The following PCDH15 variants were observed in gnomAD, a reference collection of about 807,000 sequenced individuals.
PCDH15 encodes the protein protocadherin related 15, also known as protocadherin-15.
A neutral mutation model predicts 178.5 loss-of-function variants in PCDH15; 129 were observed. The ratio of observed to expected loss-of-function variants is 0.72; its 90% confidence interval spans 0.63 to 0.84. The LOEUF (loss-of-function observed/expected upper bound fraction) is 0.84. PCDH15 is among the 40% of genes least tolerant of loss of function. The probability of loss-of-function intolerance (pLI) is 0.00; values close to 1 mark genes in which losing one functional copy is unlikely to be tolerated. For missense variants in PCDH15, 2,230 were observed against 2,099.9 expected, an observed-to-expected ratio of 1.06 and a Z score of -1.21; for synonymous variants, 800 against 732.0, an observed-to-expected ratio of 1.09 and a Z score of -1.50.
chr10:54,811,297 A>G (rs1240861557), intron 3 of PCDH15, among the ~76,000 whole-genome samples: 1 of 152,050 alleles, frequency 6.6e-6, no homozygotes. Context: ...AAAAACACAT[A>G]TAGATTCTCC....
chr10:55,461,919 T>C (rs1251624512), intron 2 of PCDH15, among the ~76,000 whole-genome samples: 1 of 152,136 alleles, frequency 6.6e-6, no homozygotes, highest in East Asian at 1.9e-4. Flanking sequence ...AAGCATTCAC[T>C]ATTTTACCAT....
intron 25 of PCDH15, among the ~76,000 whole-genome samples, chr10:53,905,482 C>A (rs557519437): frequency 1.9e-4 from 29 of 152,180 alleles, no homozygotes; most frequent in Non-Finnish European, 3.2e-4. Flanking sequence ...TACAGGCATG[C>A]GCCACCATGG....
chr10:54,582,587 A>T (rs1185801702), intron 2 of PCDH15, among the ~76,000 whole-genome samples: 1 of 152,164 alleles, frequency 6.6e-6, no homozygotes, highest in African/African-American at 2.4e-5. Flanking sequence ...ATGAAATATA[A>T]ATGTACACTA....
At chr10:55,009,154 A>G (rs1205719160) in intron 2 of PCDH15, among the ~76,000 whole-genome samples, 1 of 152,082 alleles carries the variant, frequency 6.6e-6, no homozygotes, top group Non-Finnish European at 1.5e-5. Flanking sequence ...TTATCCCTCT[A>G]GCAGTTTTTA....
chr10:54,295,763 A>G (rs1024067675), intron 8 of PCDH15, among the ~76,000 whole-genome samples: 11 of 152,210 alleles, frequency 7.2e-5, no homozygotes, highest in Non-Finnish European at 1.6e-4. Flanking sequence ...CCAAGTAGTG[A>G]GTACCATCGG....
intron 32 of PCDH15, among the ~76,000 whole-genome samples, chr10:53,824,270 G>A (rs1237583568): frequency 2.0e-5 from 3 of 152,082 alleles, no homozygotes; most frequent in Non-Finnish European, 4.4e-5. Flanking sequence ...TGGCTCTAAG[G>A]AAAGCATTTG....
chr10:55,171,669 A>G (rs190575130), intron 1 of PCDH15, among the ~76,000 whole-genome samples: 1 of 152,270 alleles, frequency 6.6e-6, no homozygotes, highest in African/African-American at 2.4e-5. Flanking sequence ...TTTATATAGT[A>G]AGTATTTTGG....
At chr10:55,341,780 TATATATATATATATATATATATATA>T (rs1261704723) in intron 2 of PCDH15, among the ~76,000 whole-genome samples, 18 of 10,054 alleles carry the variant, frequency 1.8e-3, no homozygotes, top group East Asian at 3.6e-3. Flanking sequence ...TATATATATA[TATATATATATATATATATATATATA>T]TTTTTTTTTT....
chr10:54,732,640 T>A (rs1415171635), intron 1 of PCDH15, among the ~76,000 whole-genome samples: 2 of 151,412 alleles, frequency 1.3e-5, no homozygotes, highest in African/African-American at 2.4e-5. Flanking sequence ...TTCTGAACAA[T>A]CCCTTCCAAA....
intron 2 of PCDH15, among the ~76,000 whole-genome samples, chr10:55,460,187 A>T (rs1212446754): frequency 6.6e-6 from 1 of 151,720 alleles, no homozygotes; most frequent in African/African-American, 2.4e-5. Flanking sequence ...ATGTAAAAGA[A>T]TATTATTAAT....
chr10:55,218,934 C>T (rs973687696), intron 1 of PCDH15, among the ~76,000 whole-genome samples: 3 of 151,942 alleles, frequency 2.0e-5, no homozygotes, highest in Admixed American at 6.6e-5. Context: ...CAGCCAACAT[C>T]TATATTTTGT....
chr10:53,859,657 G>A (rs560520875), intron 27 of PCDH15, among the ~76,000 whole-genome samples: 3 of 151,870 alleles, frequency 2.0e-5, no homozygotes, highest in Admixed American at 6.6e-5. Context: ...CTCTTGCAGC[G>A]GAGACTTAAA....
rs375646214 is a variant in PCDH15, at chr10:55,217,384, C to T, written c.-155-50733G>A. Among the ~76,000 whole-genome samples, 55 of 151,938 alleles carry T rather than the reference C, an allele frequency of 3.6e-4. 2 individuals carry two copies. Among genetic ancestry groups the T allele is most frequent in the African/African-American group, 1.1e-3 (46 of 41,460 alleles). On this transcript the variant is annotated intron_variant, in intron 1 of 5. Transcript: ENST00000458638. ...AAAATATTTTCTGTTGCTGAGTGTA[C>T]GTTGCTTGGTCATATCAATTCACAA... is the stretch of plus-strand genomic sequence containing the variant.
Position 54,871,332 on chromosome 10 carries a change from T to C in PCDH15, c.-29+26118A>G, listed in dbSNP as rs190648870. On this transcript the variant is annotated intron_variant, in intron 3 of 5. Coordinates refer to the PCDH15 transcript ENST00000458638. ...CAGAATATTTGTATATATATGAGACTGTAGATAATGAGGTTCTCATATATT... is the reference window on the plus strand; with the variant it reads ...CAGAATATTTGTATATATATGAGACCGTAGATAATGAGGTTCTCATATATT... 6.3e-4 allele frequency among the ~76,000 whole-genome samples: 96 copies of C among 151,830 alleles called. 3 individuals carry two copies. In the East Asian group the frequency reaches 0.018, roughly 29 times the overall value.
At chr10:55,368,586 C>G (rs1845421932) in intron 2 of PCDH15, among the ~76,000 whole-genome samples, 2 of 152,060 alleles carry the variant, frequency 1.3e-5, no homozygotes, top group African/African-American at 4.8e-5. Flanking sequence ...AGTCTGAAAT[C>G]TTAGAGTTAC....
chr10:54,464,467 T>A (rs1348428753), intron 3 of PCDH15, among the ~76,000 whole-genome samples: 1 of 152,184 alleles, frequency 6.6e-6, no homozygotes, highest in Non-Finnish European at 1.5e-5. Context: ...GGAGTTTATA[T>A]GCATTTTGGG....
At chr10:54,017,667 G>T (rs1387297057) in intron 20 of PCDH15, among the ~76,000 whole-genome samples, 1 of 151,726 alleles carries the variant, frequency 6.6e-6, no homozygotes, top group African/African-American at 2.4e-5. Flanking sequence ...AGAAGCGGGG[G>T]TTGAGAAACT....
At chr10:55,551,009 G>T (rs1841993382) in intron 2 of PCDH15, among the ~76,000 whole-genome samples, 1 of 151,916 alleles carries the variant, frequency 6.6e-6, no homozygotes, top group Non-Finnish European at 1.5e-5. Context: ...CATACTTTGA[G>T]GGAAGAAAAA....
chr10:54,335,845 G>A (rs985293908), intron 6 of PCDH15, among the ~76,000 whole-genome samples: 3 of 152,174 alleles, frequency 2.0e-5, no homozygotes, highest in African/African-American at 7.2e-5. Context: ...TTTGGAACTG[G>A]GTGGCAGGCA....
Sources: allele counts gnomAD v4.1 joint callset (sites outside exome capture counted in the v4.1 genomes callset), GRCh38; gene constraint gnomAD v4.1.1; transcripts MANE v1.5; gene names NCBI Gene and HGNC (gene_info 2026-07-23, HGNC 2026-07-21).